The following NCKAP5 variants were observed in gnomAD, a reference collection of about 807,000 sequenced individuals.
The protein encoded by NCKAP5 is nck-associated protein 5.
In NCKAP5, 92 loss-of-function variants were observed where a neutral mutation model predicts 167.0. The observed-to-expected ratio is 0.55, with a 90% CI of 0.47 to 0.66. NCKAP5 has a LOEUF of 0.66. NCKAP5 is among the 30% of genes least tolerant of loss of function. The probability of loss-of-function intolerance (pLI) is 0.00; values close to 1 mark genes in which losing one functional copy is unlikely to be tolerated. For missense variants in NCKAP5, 2,378 were observed against 2,315.0 expected (o/e 1.03, Z -0.56); for synonymous variants, 891 against 877.4 (o/e 1.02, Z -0.27).
chr2:132,854,169 C>A lies in NCKAP5; in HGVS notation c.807+6323G>T, dbSNP rs6745260. On this transcript the variant is annotated intron_variant, in intron 11 of 19. Coordinates refer to ENST00000409261, the MANE Select transcript of NCKAP5 (RefSeq NM_207363.3). ...AAGCAAGAAAAGAGTAGGAATCCTA[C>A]CTTGATTTCCTTATAACAGACCACA... Among the ~76,000 whole-genome samples, 1,165 of 152,282 alleles carry A rather than the reference C, an allele frequency of 7.7e-3. 16 individuals are homozygous for A. Among genetic ancestry groups the A allele is most frequent in the African/African-American group, 0.027 (1,114 of 41,542 alleles).
At chr2:132,675,649 G>C (rs1401907091) in intron 19 of NCKAP5, among the ~76,000 whole-genome samples, 1 of 152,126 alleles carries the variant, frequency 6.6e-6, no homozygotes, top group African/African-American at 2.4e-5. Flanking sequence ...ACCCCTGGAG[G>C]GAAGACAGAC....
At chr2:132,740,767 G>A (rs1054908042) in intron 16 of NCKAP5, among the ~76,000 whole-genome samples, 1 of 152,038 alleles carries the variant, frequency 6.6e-6, no homozygotes, top group African/African-American at 2.4e-5. Context: ...GATAATGGAA[G>A]ACCAGACTTT....
At chr2:132,942,107 G>A (rs1470204044) in intron 8 of NCKAP5, among the ~76,000 whole-genome samples, 2 of 152,180 alleles carry the variant, frequency 1.3e-5, no homozygotes, top group Non-Finnish European at 2.9e-5. Flanking sequence ...TATGTATGAT[G>A]CTTAAAAATA....
intron 4 of NCKAP5, among the ~76,000 whole-genome samples, chr2:133,219,687 T>C (rs1177700200): frequency 1.3e-5 from 2 of 152,146 alleles, no homozygotes; most frequent in Non-Finnish European, 2.9e-5. Flanking sequence ...GTGTACATTT[T>C]ACATCAGCTG....
At chr2:133,183,894 CA>C in intron 5 of NCKAP5, among the ~76,000 whole-genome samples, 1 of 152,052 alleles carries the variant, frequency 6.6e-6, no homozygotes, top group Non-Finnish European at 1.5e-5. Flanking sequence ...GATTAGCACC[CA>C]AAAATCTACT....
chr2:133,171,775 A>C (rs1469100852), intron 5 of NCKAP5, among the ~76,000 whole-genome samples: 1 of 152,242 alleles, frequency 6.6e-6, no homozygotes, highest in Non-Finnish European at 1.5e-5. Context: ...TAAGTGGTGA[A>C]GAGATCCACA....
intron 4 of NCKAP5, among the ~76,000 whole-genome samples, chr2:133,286,029 T>C (rs1327421546): frequency 6.6e-6 from 1 of 151,248 alleles, no homozygotes; most frequent in African/African-American, 2.4e-5. Flanking sequence ...GGAGTCTTGC[T>C]CTGTCGCCCA....
intron 6 of NCKAP5, among the ~76,000 whole-genome samples, chr2:133,113,875 C>T (rs943241668): frequency 1.3e-5 from 2 of 152,156 alleles, no homozygotes; most frequent in African/African-American, 4.8e-5. Flanking sequence ...AACCACTGGG[C>T]TGCAAGCTGG....
At chr2:133,567,657 CTGTGTGTG>C (rs3050985) in intron 1 of NCKAP5, among the ~76,000 whole-genome samples, 10,192 of 130,964 alleles carry the variant, frequency 0.078, 697 homozygotes, top group African/African-American at 0.2. Context: ...ATGAATGAGC[CTGTGTGTG>C]TGTGTGTGTG....
chr2:133,155,708 G>A (rs1380731935), intron 5 of NCKAP5, among the ~76,000 whole-genome samples: 1 of 152,094 alleles, frequency 6.6e-6, no homozygotes, highest in Non-Finnish European at 1.5e-5. Context: ...TATGTGGGTG[G>A]GCCTCAACCA....
At chr2:133,648,156 A>T in the NCKAP5 span, among the ~76,000 whole-genome samples, 1 of 152,098 alleles carries the variant, frequency 6.6e-6, no homozygotes, top group Non-Finnish European at 1.5e-5. Context: ...ATTTCATAAT[A>T]AAAGGGCTAA....
At chr2:132,920,884 C>T (rs2593712) in intron 8 of NCKAP5, among the ~76,000 whole-genome samples, 122,157 of 135,802 alleles carry the variant, frequency 0.9, 55,199 homozygotes, top group East Asian at 0.98. Flanking sequence ...AATGCACCTC[C>T]CTATTCTCCT....
chr2:133,510,962 G>A (rs1683435674), intron 3 of NCKAP5, among the ~76,000 whole-genome samples: 1 of 152,150 alleles, frequency 6.6e-6, no homozygotes, highest in Non-Finnish European at 1.5e-5. Context: ...ATAAAGTATT[G>A]AGCAGCATGC....
intron 4 of NCKAP5, among the ~76,000 whole-genome samples, chr2:133,244,308 T>G (rs1230490504): frequency 6.6e-6 from 1 of 152,206 alleles, no homozygotes; most frequent in African/African-American, 2.4e-5. Context: ...CCCTAAAATT[T>G]TGAGATTTGC....
intron 3 of NCKAP5, among the ~76,000 whole-genome samples, chr2:133,325,906 G>A (rs918822049): frequency 6.6e-6 from 1 of 152,198 alleles, no homozygotes; most frequent in African/African-American, 2.4e-5. Context: ...AAAAATGCTT[G>A]CAATGTTTAT....
At chr2:132,762,779 G>A (rs891189626) in intron 16 of NCKAP5, among the ~76,000 whole-genome samples, 5 of 152,208 alleles carry the variant, frequency 3.3e-5, no homozygotes, top group Admixed American at 1.3e-4. Flanking sequence ...TTTAGGGTCT[G>A]GGGGTACTAA....
chr2:133,423,445 T>C (rs1689606448), intron 3 of NCKAP5, among the ~76,000 whole-genome samples: 1 of 152,204 alleles, frequency 6.6e-6, no homozygotes, highest in Non-Finnish European at 1.5e-5. Flanking sequence ...GTCAAGCCTG[T>C]TCTTTTTTTT....
intron 3 of NCKAP5, among the ~76,000 whole-genome samples, chr2:133,496,234 G>A (rs1293677529): frequency 1.3e-5 from 2 of 152,188 alleles, no homozygotes; most frequent in South Asian, 4.1e-4. Flanking sequence ...TGTTAACCCT[G>A]TAGGTGATAC....
intron 3 of NCKAP5, among the ~76,000 whole-genome samples, chr2:133,330,484 G>T (rs761798932): frequency 3.3e-5 from 5 of 149,746 alleles, no homozygotes; most frequent in Non-Finnish European, 5.9e-5. Flanking sequence ...AATACATGTT[G>T]TAGCAAGCAT....
Sources: gnomAD v4.1 joint callset for allele counts (sites outside exome capture counted in the v4.1 genomes callset) on GRCh38, gnomAD v4.1.1 for gene constraint, MANE v1.5 for transcripts, NCBI Gene and HGNC (gene_info 2026-07-23, HGNC 2026-07-21) for gene names.